C12orf42: variants seen among roughly 807,000 people sequenced by gnomAD.
C12orf42 encodes the protein chromosome 12 open reading frame 42.
A neutral mutation model predicts 21.6 loss-of-function variants in C12orf42; 25 were observed. The ratio of observed to expected loss-of-function variants is 1.16; its 90% CI spans 0.84 to 1.62. The LOEUF (loss-of-function observed/expected upper bound fraction) is 1.62. C12orf42 is among the 40% of genes most tolerant of loss of function. The probability of loss-of-function intolerance (pLI) is 0.00; values close to 1 mark genes in which losing one functional copy is unlikely to be tolerated. For missense variants in C12orf42, 483 were observed against 459.3 expected, an observed-to-expected ratio of 1.05 and a Z score of -0.47; for synonymous variants, 174 against 175.0, an observed-to-expected ratio of 0.99 and a Z score of 0.05.
intron 2 of C12orf42, among the ~76,000 whole-genome samples, chr12:103,465,981 C>A (rs1953096507): frequency 6.6e-6 from 1 of 152,182 alleles, no homozygotes; most frequent in Non-Finnish European, 1.5e-5. Context: ...TTTTGATGTG[C>A]TGCTGGATTC....
intron 4 of C12orf42, among the ~76,000 whole-genome samples, chr12:103,309,476 C>T (rs1357064342): frequency 3.9e-5 from 6 of 152,042 alleles, no homozygotes; most frequent in Admixed American, 2.0e-4. Flanking sequence ...TATCAATAAG[C>T]TTCCAGTCAA....
intron 3 of C12orf42, among the ~76,000 whole-genome samples, chr12:103,388,025 T>A (rs2046758780): frequency 6.6e-6 from 1 of 152,244 alleles, no homozygotes; most frequent in Non-Finnish European, 1.5e-5. Context: ...TTTTAGATAA[T>A]TGCTCAGCCA....
the C12orf42 span, among the ~76,000 whole-genome samples, chr12:103,120,394 T>C: frequency 6.6e-6 from 1 of 152,072 alleles, no homozygotes; most frequent in African/African-American, 2.4e-5. Context: ...AAAAAGGACA[T>C]AGCCATAGGT....
chr12:103,196,656 C>T, the C12orf42 span, among the ~76,000 whole-genome samples: 1 of 151,834 alleles, frequency 6.6e-6, no homozygotes, highest in African/African-American at 2.4e-5. Flanking sequence ...TTGAATCTGT[C>T]TTTATTATTA....
At chr12:103,118,171 C>A in the C12orf42 span, among the ~76,000 whole-genome samples, 1 of 152,194 alleles carries the variant, frequency 6.6e-6, no homozygotes, top group Non-Finnish European at 1.5e-5. Context: ...CCTGTATGTG[C>A]CTGCCTTCCT....
the C12orf42 span, among the ~76,000 whole-genome samples, chr12:103,506,775 A>C: frequency 7.7e-6 from 1 of 130,146 alleles, no homozygotes; most frequent in African/African-American, 3.0e-5. Flanking sequence ...TAGAAGAGGC[A>C]TGCAACAAAG....
At chr12:103,220,327 A>G in the C12orf42 span, among the ~76,000 whole-genome samples, 2 of 152,124 alleles carry the variant, frequency 1.3e-5, no homozygotes, top group Non-Finnish European at 2.9e-5. Context: ...GCAAACCACC[A>G]TGGCATGTGT....
intron 4 of C12orf42, among the ~76,000 whole-genome samples, chr12:103,290,797 T>C (rs2036758248): frequency 6.6e-6 from 1 of 152,134 alleles, no homozygotes. Flanking sequence ...TTTTTAAGAA[T>C]TCTATTTTCT....
chr12:103,552,311 TAGTC>T, the C12orf42 span, among the ~76,000 whole-genome samples: 3 of 152,180 alleles, frequency 2.0e-5, no homozygotes, highest in Admixed American at 6.5e-5. Flanking sequence ...TTTCCCCCGT[TAGTC>T]AGAGAGCATT....
chr12:103,511,996 A>G, the C12orf42 span, among the ~76,000 whole-genome samples: 142 of 152,326 alleles, frequency 9.3e-4, no homozygotes, highest in African/African-American at 3.3e-3. Context: ...TCTCCCTAGA[A>G]GGCAGTTGGG....
the C12orf42 span, among the ~76,000 whole-genome samples, chr12:103,093,318 A>G: frequency 2.6e-5 from 4 of 152,146 alleles, no homozygotes; most frequent in African/African-American, 9.7e-5. Context: ...GATGAACTGG[A>G]GAGTACATTC....
chr12:103,365,438 C>T (rs963490469), intron 4 of C12orf42, among the ~76,000 whole-genome samples: 2 of 152,054 alleles, frequency 1.3e-5, no homozygotes, highest in African/African-American at 4.8e-5. Flanking sequence ...CCACTCTCAA[C>T]ACTTCTATTC....
the C12orf42 span, among the ~76,000 whole-genome samples, chr12:103,104,912 T>C: frequency 6.6e-6 from 1 of 152,170 alleles, no homozygotes; most frequent in African/African-American, 2.4e-5. Context: ...AGCAAGGACA[T>C]TTGTCTCTGT....
At chr12:103,061,855 T>C in the C12orf42 span, among the ~76,000 whole-genome samples, 1 of 151,982 alleles carries the variant, frequency 6.6e-6, no homozygotes, top group Admixed American at 6.6e-5. Flanking sequence ...TTTACTTATA[T>C]TGTTGATTTT....
intron 4 of C12orf42, among the ~76,000 whole-genome samples, chr12:103,311,943 A>T (rs570298377): frequency 6.6e-6 from 1 of 152,318 alleles, no homozygotes; most frequent in African/African-American, 2.4e-5. Flanking sequence ...ATTTTTATTC[A>T]GTCAAACAAT....
the C12orf42 span, among the ~76,000 whole-genome samples, chr12:103,149,704 G>C: frequency 6.6e-6 from 1 of 152,090 alleles, no homozygotes; most frequent in East Asian, 1.9e-4. Context: ...GTCCAAGCTT[G>C]CTCCCCTTTG....
chr12:103,391,616 T>C (rs2047085474), intron 3 of C12orf42, among the ~76,000 whole-genome samples: 1 of 151,914 alleles, frequency 6.6e-6, no homozygotes, highest in Non-Finnish European at 1.5e-5. Context: ...GTTGGTCTTT[T>C]GTTGGTGATG....
chr12:103,440,332 A>G (rs1427230456), intron 2 of C12orf42, among the ~76,000 whole-genome samples: 1 of 143,918 alleles, frequency 6.9e-6, no homozygotes, highest in Admixed American at 7.0e-5. Context: ...TGGGTGCAGC[A>G]CACCAGCATG....
At chr12:103,321,090 G>C (rs1319722693) in intron 4 of C12orf42, among the ~76,000 whole-genome samples, 2 of 151,988 alleles carry the variant, frequency 1.3e-5, no homozygotes, top group African/African-American at 4.8e-5. Context: ...CTACAAAATG[G>C]GAGAAAATTT....
Sources: allele counts gnomAD v4.1 joint callset (sites outside exome capture counted in the v4.1 genomes callset), GRCh38; gene constraint gnomAD v4.1.1; transcripts MANE v1.5; gene names NCBI Gene and HGNC (gene_info 2026-07-23, HGNC 2026-07-21).